Variants in ROBO1 observed in about 807,000 individuals in gnomAD.
ROBO1 encodes roundabout homolog 1.
In ROBO1, 149 loss-of-function variants were observed where a neutral mutation model predicts 195.9. The ratio of observed to expected loss-of-function variants is 0.76; its 90% confidence interval spans 0.67 to 0.87. ROBO1 has a LOEUF of 0.87. ROBO1 is among the 40% of genes least tolerant of loss of function. The pLI, the probability that ROBO1 is intolerant of heterozygous loss-of-function variation, is 0.00. For synonymous variants in ROBO1, 816 were observed against 733.2 expected, an observed-to-expected ratio of 1.11 and a Z score of -1.82; for missense variants, 1,933 against 2,068.3, an observed-to-expected ratio of 0.93 and a Z score of 1.27.
chr3:79,169,114 A>C (rs1357330948), intron 2 of ROBO1, among the ~76,000 whole-genome samples: 3 of 152,200 alleles, frequency 2.0e-5, no homozygotes, highest in African/African-American at 7.2e-5. Context: ...GCTACAGCTT[A>C]GATAACCAAA....
chr3:78,802,566 C>A (rs971457414), intron 4 of ROBO1, among the ~76,000 whole-genome samples: 1 of 152,118 alleles, frequency 6.6e-6, no homozygotes, highest in African/African-American at 2.4e-5. Context: ...CAAAACAAAA[C>A]AAAAACACAT....
chr3:78,815,399 A>G (rs1171155639), intron 4 of ROBO1, among the ~76,000 whole-genome samples: 1 of 152,142 alleles, frequency 6.6e-6, no homozygotes, highest in East Asian at 1.9e-4. Flanking sequence ...TGATAAGAAA[A>G]TGAAGCAGCC....
chr3:78,714,405 G>T lies in ROBO1; in HGVS notation c.1037C>A (p.Thr346Asn), dbSNP rs2081845731. 1 of 1,611,992 alleles carries T rather than the reference G, an allele frequency of 6.2e-7. No individual in the cohort carries two copies. ...VGKAEASATL[T>N]VQEPPHFVVK... ...CCTTTCCCAATGCCTACCTTGAACA[G>T]TCAGAGTAGCAGATGCTTCAGCTTT... The change falls in exon 8 of 31, where the codon ACT becomes AAT. Residue 346 changes from threonine (T) to asparagine (N), a missense_variant. Thr to Asn is a moderately conservative substitution (Grantham distance 65). This residue lies in a region of ROBO1 where 1,737 missense variants were observed against 1,882.5 expected (regional missense o/e 0.92). Coordinates refer to ENST00000464233, the MANE Select transcript of ROBO1 (RefSeq NM_002941.4).
At chr3:78,696,723 T>TACATATATATATAC (rs1374156914) in intron 8 of ROBO1, among the ~76,000 whole-genome samples, 2 of 147,316 alleles carry the variant, frequency 1.4e-5, no homozygotes, top group Non-Finnish European at 3.0e-5. Context: ...CACGTATATA[T>TACATATATATATAC]ACATGTATAT....
chr3:78,920,713 C>T (rs576458023), intron 4 of ROBO1, among the ~76,000 whole-genome samples: 1 of 146,082 alleles, frequency 6.8e-6, no homozygotes, highest in South Asian at 2.2e-4. Flanking sequence ...CAGCTCACTG[C>T]AGCCTCAACC....
chr3:78,978,160 T>C (rs2076920514), intron 3 of ROBO1, among the ~76,000 whole-genome samples: 1 of 152,094 alleles, frequency 6.6e-6, no homozygotes, highest in South Asian at 2.1e-4. Context: ...ATTTCAGATT[T>C]ACACATTATA....
chr3:79,746,802 C>G (rs1168303464), intron 1 of ROBO1, among the ~76,000 whole-genome samples: 2 of 151,974 alleles, frequency 1.3e-5, no homozygotes, highest in Admixed American at 1.3e-4. Flanking sequence ...GTAATTTTAA[C>G]AAAAACACAC....
At chr3:79,008,161 C>T (rs1032092040) in intron 3 of ROBO1, among the ~76,000 whole-genome samples, 10 of 152,158 alleles carry the variant, frequency 6.6e-5, no homozygotes, top group African/African-American at 1.9e-4. Context: ...AAATGCAATT[C>T]TCCCTTCTTT....
chr3:78,953,702 G>C (rs2040903675), intron 3 of ROBO1, among the ~76,000 whole-genome samples: 1 of 151,976 alleles, frequency 6.6e-6, no homozygotes, highest in South Asian at 2.1e-4. Flanking sequence ...ACTAGAGACT[G>C]GATTCAGATG....
chr3:78,745,015 T>C (rs1447100661), intron 5 of ROBO1, among the ~76,000 whole-genome samples: 2 of 152,066 alleles, frequency 1.3e-5, no homozygotes, highest in African/African-American at 4.8e-5. Context: ...TCTCCAGGGC[T>C]AAGAATTTTG....
intron 7 of ROBO1, 66 bp downstream of exon 7, chr3:78,717,209 G>A: frequency 6.8e-7 from 1 of 1,470,762 alleles, no homozygotes; most frequent in Non-Finnish European, 9.1e-7. Flanking sequence ...CGGATGTGGA[G>A]ATGATGTGAT....
At chr3:79,421,243 A>G (rs34671557) in intron 2 of ROBO1, among the ~76,000 whole-genome samples, 55,071 of 151,866 alleles carry the variant, frequency 0.36, 10,695 homozygotes, top group Admixed American at 0.49. Flanking sequence ...TGGGAGAAGG[A>G]TGAGAATTAA....
intron 5 of ROBO1, among the ~76,000 whole-genome samples, chr3:78,729,314 T>C (rs369115709): frequency 2.6e-5 from 4 of 152,336 alleles, no homozygotes; most frequent in East Asian, 3.9e-4. Flanking sequence ...TGATTTTCTT[T>C]GTGAAAGTAT....
intron 2 of ROBO1, among the ~76,000 whole-genome samples, chr3:79,525,263 T>C (rs913379207): frequency 2.7e-4 from 40 of 150,484 alleles, no homozygotes; most frequent in Admixed American, 2.5e-3. Flanking sequence ...GTATAATGTC[T>C]GTATAATTAC....
At chr3:79,215,417 G>A (rs2082039728) in intron 2 of ROBO1, among the ~76,000 whole-genome samples, 1 of 152,006 alleles carries the variant, frequency 6.6e-6, no homozygotes, top group South Asian at 2.1e-4. Context: ...ACTAATCGGA[G>A]GAAGGAGTTT....
intron 2 of ROBO1, among the ~76,000 whole-genome samples, chr3:79,166,675 C>T (rs2081072730): frequency 6.6e-6 from 1 of 151,654 alleles, no homozygotes; most frequent in African/African-American, 2.4e-5. Context: ...GCGCCATTCT[C>T]CTGCCTCAGC....
rs2036382181 is a variant in ROBO1, at chr3:79,376,336, CTTTCT to C, written c.88+213483_88+213487del. Among the ~76,000 whole-genome samples the C allele has an allele frequency of 2.0e-5, 3 of 152,202 alleles. No individual in the cohort carries two copies. The South Asian group carries it at 6.2e-4, about 32-fold the overall frequency. Reference sequence around the variant, plus strand: ...TTCAGAAGTCTTTGTCCCTTAAGATCTTTCTTTTATGTTTTATGAATAATTCTAAT... The same window carrying C: ...TTCAGAAGTCTTTGTCCCTTAAGATCTTTATGTTTTATGAATAATTCTAAT... On this transcript the variant is annotated intron_variant, in intron 2 of 30. Coordinates refer to ENST00000464233, the MANE Select transcript of ROBO1 (RefSeq NM_002941.4).
intron 2 of ROBO1, among the ~76,000 whole-genome samples, chr3:79,182,274 C>A (rs752501579): frequency 6.6e-6 from 1 of 152,096 alleles, no homozygotes; most frequent in Non-Finnish European, 1.5e-5. Context: ...GTGTCAAATG[C>A]ATTTTGGGTG....
At chr3:79,342,700 CAG>C (rs200702810) in intron 2 of ROBO1, among the ~76,000 whole-genome samples, 2,934 of 152,156 alleles carry the variant, frequency 0.019, 44 homozygotes, top group Middle Eastern at 0.034. Context: ...GCAGTCAACA[CAG>C]GGCTCGGGAA....
Sources: gnomAD v4.1 joint callset for allele counts (sites outside exome capture counted in the v4.1 genomes callset) on GRCh38, gnomAD v4.1.1 for gene constraint, gnomAD v4.1.1 regional missense constraint, MANE v1.5 for transcripts, NCBI Gene and HGNC (gene_info 2026-07-23, HGNC 2026-07-21) for gene names.